SLIT2: variants seen among roughly 807,000 people sequenced by gnomAD.
SLIT2 encodes the protein slit homolog 2 protein.
In SLIT2, 41 loss-of-function variants were observed where a neutral mutation model predicts 185.7. That is an observed-to-expected ratio of 0.22 (90% CI 0.17 to 0.29). SLIT2 has a LOEUF of 0.29. SLIT2 is among the 10% of genes least tolerant of loss of function. The pLI, the probability that SLIT2 is intolerant of heterozygous loss-of-function variation, is 1.00. For missense variants in SLIT2, 1,571 were observed against 1,909.0 expected, an observed-to-expected ratio of 0.82 and a Z score of 3.30; for synonymous variants, 693 against 680.2, an observed-to-expected ratio of 1.02 and a Z score of -0.29.
intron 4 of SLIT2, chr4:20,364,185 A>G (rs1722942549): frequency 4.3e-6 from 3 of 699,710 alleles, no homozygotes; most frequent in South Asian, 1.3e-4. Context: ...TTAGAGAAAT[A>G]CTGGGATGGA....
chr4:20,610,415 C>G (rs148913777), intron 34 of SLIT2, among the ~76,000 whole-genome samples: 1 of 152,114 alleles, frequency 6.6e-6, no homozygotes, highest in East Asian at 1.9e-4. Flanking sequence ...ATTAATATTT[C>G]TTTTGTGTCA....
At chr4:20,540,664 T>C (rs1444814655) in intron 19 of SLIT2, among the ~76,000 whole-genome samples, 3 of 152,094 alleles carry the variant, frequency 2.0e-5, no homozygotes, top group Non-Finnish European at 4.4e-5. Flanking sequence ...CTAATCTAAC[T>C]TAAAAGGAGG....
intron 4 of SLIT2, among the ~76,000 whole-genome samples, chr4:20,334,889 A>G (rs988588875): frequency 1.3e-5 from 2 of 152,234 alleles, no homozygotes; most frequent in South Asian, 2.1e-4. Context: ...AAGTCTTGAC[A>G]TAGAATCCAG....
At chr4:20,425,513 G>T (rs1220443827) in intron 4 of SLIT2, among the ~76,000 whole-genome samples, 1 of 152,086 alleles carries the variant, frequency 6.6e-6, no homozygotes, top group African/African-American at 2.4e-5. Context: ...TTATACACGT[G>T]TGTGGTGTAT....
At chr4:20,468,315 A>G (rs1258887684) in intron 5 of SLIT2, among the ~76,000 whole-genome samples, 2 of 152,134 alleles carry the variant, frequency 1.3e-5, no homozygotes, top group South Asian at 4.1e-4. Context: ...CCTGTAGCCT[A>G]GAGCTACAGC....
chr4:20,341,674 C>T (rs1420159248), intron 4 of SLIT2, among the ~76,000 whole-genome samples: 1 of 152,116 alleles, frequency 6.6e-6, no homozygotes, highest in African/African-American at 2.4e-5. Context: ...CCTCCTAAAA[C>T]TGTGAGGTTG....
At chr4:20,517,291 A>G (rs145461068) in intron 11 of SLIT2, among the ~76,000 whole-genome samples, 25 of 152,312 alleles carry the variant, frequency 1.6e-4, no homozygotes, top group South Asian at 4.1e-4. Flanking sequence ...ACTCAATTGA[A>G]TTGAGCACCA....
intron 3 of SLIT2, among the ~76,000 whole-genome samples, chr4:20,268,532 T>G (rs1431542932): frequency 6.6e-6 from 1 of 151,830 alleles, no homozygotes; most frequent in African/African-American, 2.4e-5. Flanking sequence ...CAAAAATCCT[T>G]TATCATTGTG....
At chr4:20,498,482 T>C (rs956463794) in intron 9 of SLIT2, among the ~76,000 whole-genome samples, 8 of 152,240 alleles carry the variant, frequency 5.3e-5, no homozygotes, top group Non-Finnish European at 7.3e-5. Context: ...AGATCACCTT[T>C]TGAGGTATAC....
At chr4:20,398,195 C>T (rs1393735779) in intron 4 of SLIT2, among the ~76,000 whole-genome samples, 1 of 151,648 alleles carries the variant, frequency 6.6e-6, no homozygotes, top group African/African-American at 2.4e-5. Context: ...AAAGAGGACC[C>T]AAGAGAGGGC....
chr4:20,618,693 T>C (rs182828354), intron 36 of SLIT2, 75 bp from the exon 37 acceptor site: 4 of 1,433,870 alleles, frequency 2.8e-6, no homozygotes, highest in East Asian at 2.3e-5. Context: ...CTGAATTAAG[T>C]TGTGGATTCA....
At chr4:20,455,631 G>T (rs1712986196) in intron 4 of SLIT2, among the ~76,000 whole-genome samples, 1 of 152,078 alleles carries the variant, frequency 6.6e-6, no homozygotes, top group African/African-American at 2.4e-5. Context: ...ACAGATACAT[G>T]CTACAACCTG....
chr4:20,268,021 G>C (rs1004951148), intron 3 of SLIT2, among the ~76,000 whole-genome samples: 2 of 151,846 alleles, frequency 1.3e-5, no homozygotes, highest in African/African-American at 4.8e-5. Flanking sequence ...ATTGTACACT[G>C]AAAACAGATG....
chr4:20,413,442 G>C (rs747337050), intron 4 of SLIT2, among the ~76,000 whole-genome samples: 1 of 152,036 alleles, frequency 6.6e-6, no homozygotes, highest in Non-Finnish European at 1.5e-5. Flanking sequence ...GTATTCTATA[G>C]ATGTCTGTTA....
At chr4:20,488,757 A>G in intron 7 of SLIT2, 62 bp from the exon 8 acceptor site, 2 of 1,181,212 alleles carry the variant, frequency 1.7e-6, no homozygotes, top group Non-Finnish European at 1.2e-6. Context: ...AAATACAGGT[A>G]TATATTAATG....
chr4:20,612,466 A>T (rs1204508937), intron 34 of SLIT2, among the ~76,000 whole-genome samples: 1 of 152,184 alleles, frequency 6.6e-6, no homozygotes, highest in South Asian at 2.1e-4. Context: ...AGAGATCACC[A>T]TGGGCCCACT....
intron 4 of SLIT2, among the ~76,000 whole-genome samples, chr4:20,390,247 A>T (rs974098170): frequency 2.6e-5 from 4 of 152,126 alleles, no homozygotes; most frequent in Non-Finnish European, 5.9e-5. Context: ...TCTGATGGAA[A>T]TGTAAAATAT....
chr4:20,406,265 AT>A (rs1726768096), intron 4 of SLIT2, among the ~76,000 whole-genome samples: 1 of 144,330 alleles, frequency 6.9e-6, no homozygotes, highest in Admixed American at 7.1e-5. Flanking sequence ...TGTTTTTTAT[AT>A]AAGACATGTG....
At chr4:20,408,054 C>G (rs1726911248) in intron 4 of SLIT2, among the ~76,000 whole-genome samples, 1 of 152,134 alleles carries the variant, frequency 6.6e-6, no homozygotes, top group Non-Finnish European at 1.5e-5. Context: ...TTGTTATCTC[C>G]ACCTGCATCA....
Sources: allele counts gnomAD v4.1 joint callset (sites outside exome capture counted in the v4.1 genomes callset), GRCh38; gene constraint gnomAD v4.1.1; transcripts MANE v1.5; gene names NCBI Gene and HGNC (gene_info 2026-07-23, HGNC 2026-07-21).